C4orf51: variants seen among roughly 807,000 people sequenced by gnomAD.
C4orf51 encodes chromosome 4 open reading frame 51.
C4orf51 carries 25 observed loss-of-function variants against 25.2 expected under a neutral mutation model. That is an observed-to-expected ratio of 0.99 (90% CI 0.72 to 1.39). The LOEUF is 1.39. Among genes scored for constraint, C4orf51 ranks in the 40% most tolerant of loss-of-function variants. The pLI, the probability that C4orf51 is intolerant of heterozygous loss-of-function variation, is 0.00. For synonymous variants in C4orf51, 100 were observed against 84.5 expected (o/e 1.18, Z -1.01); for missense variants, 252 against 239.6 (o/e 1.05, Z -0.34).
In C4orf51 at chr4:145,698,167, GT is replaced by G. The variant is rs149064392; in HGVS notation, c.307+1543del. On this transcript the variant is annotated intron_variant, in intron 2 of 5. Transcript: ENST00000438731. ...CAAGTCATTTCCCATTTTTAAATCA[GT>G]TTTTTTTCTGCTATTTAGTTATATG... Among the ~76,000 whole-genome samples the G allele has an allele frequency of 2.6e-5, 4 of 152,006 alleles. No homozygotes were observed. The East Asian group carries it at 5.8e-4, about 22-fold the overall frequency.
intron 3 of C4orf51, among the ~76,000 whole-genome samples, chr4:145,727,902 T>TAA: frequency 1.2e-5 from 1 of 84,622 alleles, no homozygotes; most frequent in East Asian, 2.5e-4. Flanking sequence ...TGTGTATATA[T>TAA]ATATATATAT....
At chr4:145,701,704 C>T (rs528814913) in intron 2 of C4orf51, among the ~76,000 whole-genome samples, 13 of 152,038 alleles carry the variant, frequency 8.6e-5, no homozygotes, top group Middle Eastern at 6.8e-3. Context: ...TTTCAAGGGC[C>T]TGTTTCCCTT....
chr4:145,698,385 G>A (rs1730207889), intron 2 of C4orf51, among the ~76,000 whole-genome samples: 1 of 152,188 alleles, frequency 6.6e-6, no homozygotes, highest in Non-Finnish European at 1.5e-5. Context: ...ATGTACATTG[G>A]TTCAATCCAG....
chr4:145,788,810 C>G, the C4orf51 span, among the ~76,000 whole-genome samples: 8 of 152,140 alleles, frequency 5.3e-5, no homozygotes, highest in African/African-American at 1.9e-4. Context: ...AATGTTGAGG[C>G]CATTTATAAG....
chr4:145,719,678 G>T (rs1209215251), intron 2 of C4orf51, among the ~76,000 whole-genome samples: 1 of 151,476 alleles, frequency 6.6e-6, no homozygotes, highest in South Asian at 2.1e-4. Flanking sequence ...CCCTAGAATT[G>T]CAACACTTTA....
At chr4:145,694,024 A>T (rs1314678324) in intron 1 of C4orf51, among the ~76,000 whole-genome samples, 40 of 124,102 alleles carry the variant, frequency 3.2e-4, no homozygotes, top group Non-Finnish European at 5.8e-4. Context: ...CTCACTTCTC[A>T]GACGGGGCGG....
At chr4:145,779,312 G>C in the C4orf51 span, 2 of 1,558,332 alleles carry the variant, frequency 1.3e-6, no homozygotes, top group East Asian at 2.3e-5. Context: ...CTCAGTTTCC[G>C]GAGAGTAAAG....
intron 5 of C4orf51, 23 bp downstream of exon 5, chr4:145,729,988 T>C: frequency 6.2e-7 from 1 of 1,605,622 alleles, no homozygotes; most frequent in Non-Finnish European, 8.5e-7. Context: ...TTACTTGCCA[T>C]GCAACAGTGG....
chr4:145,732,942 A>T (rs1389951197), downstream of C4orf51: 1 of 157,546 alleles, frequency 6.3e-6, no homozygotes, highest in Non-Finnish European at 1.4e-5. Context: ...CTTTGTATTC[A>T]GAGCGGTCAC....
chr4:145,760,608 A>G, intron 1 of C4orf51: 1 of 272,002 alleles, frequency 3.7e-6, no homozygotes, highest in Non-Finnish European at 6.0e-6. Context: ...ATACACACAG[A>G]GCCAATTTTC....
In C4orf51 at chr4:145,765,494, G is replaced by C. The variant is rs536222642; in HGVS notation, n.167-5494G>C. ...CTGTGCAGGGCTTATTCTCAAGAAT[G>C]GGTCATCCTGGGTGCGGAGGGTTGA... On this transcript the variant is annotated intron_variant and non_coding_transcript_variant, in intron 1 of 1. Coordinates refer to the C4orf51 transcript ENST00000510096. The surrounding 1 kb of genome is among the most constrained non-coding windows in gnomAD (Gnocchi z 4.7). 1 of 1,547,600 alleles carries C rather than the reference G, an allele frequency of 6.5e-7. No individual in the cohort carries two copies. Among genetic ancestry groups the C allele is most frequent in the African/African-American group, 1.4e-5 (1 of 73,014 alleles).
At chr4:145,702,357 AT>A (rs1213222261) in intron 2 of C4orf51, among the ~76,000 whole-genome samples, 2 of 151,740 alleles carry the variant, frequency 1.3e-5, no homozygotes, top group Non-Finnish European at 2.9e-5. Flanking sequence ...TTTCTTTACT[AT>A]TCCTTTGCAC....
At chr4:145,775,804 T>C (rs1736980067), downstream of C4orf51, 3 of 1,614,062 alleles carry the variant, frequency 1.9e-6, no homozygotes, top group Non-Finnish European at 2.5e-6. Context: ...ATAATAAGGA[T>C]GTTTCTTCCC....
the C4orf51 span, among the ~76,000 whole-genome samples, chr4:145,777,892 A>G: frequency 6.6e-6 from 1 of 152,066 alleles, no homozygotes; most frequent in Non-Finnish European, 1.5e-5. Flanking sequence ...CTGTTATTTG[A>G]ATTTTTATTT....
rs398051305 is a variant in C4orf51, at chr4:145,731,564, C to CTTTTTTT, written c.502-862_502-856dup. On this transcript the variant is annotated intron_variant, in intron 5 of 5. Transcript: ENST00000438731. ...TTTTTATTTATGAGACAAGGCAAAT[C>CTTTTTTT]TTTTTTTTTTTTTTTTTTTTTTTTT... 3.9e-3 allele frequency among the ~76,000 whole-genome samples: 171 copies of CTTTTTTT among 43,872 alleles called. 12 individuals are homozygous for CTTTTTTT. Among genetic ancestry groups the CTTTTTTT allele is most frequent in the East Asian group, 0.011 (13 of 1,206 alleles). The allele number at this position is 43,872 out of a possible 152,430, so 28.8% of individuals were successfully genotyped here. A position where few individuals can be genotyped will look rare whatever the true frequency, so the allele number is the denominator to read the frequency against.
At chr4:145,773,954 G>C (rs6537376), downstream of C4orf51, among the ~76,000 whole-genome samples, 7,030 of 152,198 alleles carry the variant, frequency 0.046, 530 homozygotes, top group African/African-American at 0.16. Flanking sequence ...ATGATACAGA[G>C]AGCAAGCTCT....
chr4:145,725,961 G>T (rs540713827), intron 2 of C4orf51, among the ~76,000 whole-genome samples: 2 of 152,242 alleles, frequency 1.3e-5, no homozygotes, highest in South Asian at 2.1e-4. Context: ...TTTAAAAAAT[G>T]CATCTGAGCT....
Position 145,732,723 on chromosome 4 carries a change from G to GT in C4orf51, c.*169dup, listed in dbSNP as rs1444986395. The GT allele has an allele frequency of 2.7e-5, 13 of 481,346 alleles. No individual in the cohort carries two copies. The highest frequency in any genetic ancestry group is 1.6e-4 in the African/African-American group (8 of 49,814). The allele number at this position is 481,346 out of a possible 1,614,324, so 29.8% of individuals were successfully genotyped here. Reference sequence around the variant, plus strand: ...ACAATTCCATGGGCTTCATTTATCAGTTTTTTCCCTTTTTAATTGGTGGAG... The same window carrying GT: ...ACAATTCCATGGGCTTCATTTATCAGTTTTTTTCCCTTTTTAATTGGTGGAG... On this transcript the variant is annotated 3_prime_UTR_variant, in exon 6 of 6. Coordinates refer to ENST00000438731, the MANE Select transcript of C4orf51 (RefSeq NM_001080531.3).
At chr4:145,785,012 C>T in the C4orf51 span, among the ~76,000 whole-genome samples, 1 of 152,194 alleles carries the variant, frequency 6.6e-6, no homozygotes, top group Non-Finnish European at 1.5e-5. Flanking sequence ...TACTTTTCCA[C>T]CTATGATGTT....
Sources: allele counts gnomAD v4.1 joint callset (sites outside exome capture counted in the v4.1 genomes callset), GRCh38; gene constraint gnomAD v4.1.1; non-coding constraint Gnocchi (gnomAD v3.1); transcripts MANE v1.5; gene names NCBI Gene and HGNC (gene_info 2026-07-23, HGNC 2026-07-21).